SUCLA2: variants seen among roughly 807,000 people sequenced by gnomAD.
SUCLA2 encodes the protein succinate-CoA ligase ADP-forming subunit beta, also known as succinate--CoA ligase [ADP-forming] subunit beta, mitochondrial.
A neutral mutation model predicts 54.8 loss-of-function variants in SUCLA2; 30 were observed. The observed-to-expected ratio is 0.55, with a 90% CI of 0.41 to 0.74. The LOEUF (loss-of-function observed/expected upper bound fraction) is 0.74. Among genes scored for constraint, SUCLA2 ranks in the 30% least tolerant of loss-of-function variants. The probability of loss-of-function intolerance (pLI) is 0.00; values close to 1 mark genes in which losing one functional copy is unlikely to be tolerated. For synonymous variants in SUCLA2, 172 were observed against 188.9 expected, an observed-to-expected ratio of 0.91 and a Z score of 0.74; for missense variants, 476 against 562.9, an observed-to-expected ratio of 0.85 and a Z score of 1.56.
chr13:47,943,251 T>G lies in SUCLA2; in HGVS notation c.*120A>C. On this transcript the variant is annotated 3_prime_UTR_variant, in exon 11 of 11. Coordinates refer to ENST00000646932, the MANE Select transcript of SUCLA2 (RefSeq NM_003850.3). ...GTCCAAATCCTTTTAAATGTTTGTG[T>G]GCCTAGATGGCAATTACAATCTCCA... is the stretch of plus-strand genomic sequence containing the variant. The G allele has an allele frequency of 1.0e-6, 1 of 967,844 alleles. No homozygotes were observed. Among genetic ancestry groups the G allele is most frequent in the Non-Finnish European group, 1.7e-6 (1 of 595,402 alleles). The allele number at this position is 967,844 out of a possible 1,614,324, so 60.0% of individuals were successfully genotyped here. A position where few individuals can be genotyped will look rare whatever the true frequency, so the allele number is the denominator to read the frequency against.
chr13:47,975,594 TAA>T (rs1192554592), intron 4 of SUCLA2, among the ~76,000 whole-genome samples: 1 of 19,088 alleles, frequency 5.2e-5, no homozygotes, highest in African/African-American at 2.4e-4. Context: ...TAACAAAAAT[TAA>T]AAAGAAGAAT....
chr13:47,982,712 T>TAA (rs11389506), intron 4 of SUCLA2, among the ~76,000 whole-genome samples: 49 of 148,270 alleles, frequency 3.3e-4, no homozygotes, highest in East Asian at 2.6e-3. Context: ...TTTGACAATC[T>TAA]AAAAAAAAAA....
intron 10 of SUCLA2, among the ~76,000 whole-genome samples, chr13:47,943,994 T>C (rs899111572): frequency 6.6e-6 from 1 of 152,070 alleles, no homozygotes; most frequent in East Asian, 1.9e-4. Context: ...CTCTACAATC[T>C]GTCTAAAAAT....
At chr13:47,966,675 T>C (rs2137712843) in intron 6 of SUCLA2, among the ~76,000 whole-genome samples, 1 of 151,718 alleles carries the variant, frequency 6.6e-6, no homozygotes, top group African/African-American at 2.4e-5. Context: ...CCATTATTAT[T>C]TCTTCATTAA....
At chr13:47,965,494 T>TTAAAAAAAAAAAAAAAAAA in intron 6 of SUCLA2, 1 of 310,488 alleles carries the variant, frequency 3.2e-6, no homozygotes. Context: ...ACCCCTTCTT[T>TTAAAAAAAAAAAAAAAAAA]AAAAAAAAAA....
At chr13:47,982,529 G>A (rs960512769) in intron 4 of SUCLA2, among the ~76,000 whole-genome samples, 2 of 152,090 alleles carry the variant, frequency 1.3e-5, no homozygotes, top group African/African-American at 2.4e-5. Flanking sequence ...ATCTGTTCTG[G>A]AGATGTTGCA....
At chr13:47,948,581 T>A (rs1197345123) in intron 10 of SUCLA2, among the ~76,000 whole-genome samples, 2 of 152,154 alleles carry the variant, frequency 1.3e-5, no homozygotes, top group Admixed American at 1.3e-4. Context: ...CTTAAGTCAG[T>A]TTAGCCAGGA....
At chr13:47,949,391 T>C in intron 9 of SUCLA2, 92 bp downstream of exon 9, 1 of 1,410,182 alleles carries the variant, frequency 7.1e-7, no homozygotes, top group Non-Finnish European at 1.0e-6. Flanking sequence ...AAGACACAGC[T>C]ATTTAAAAAC....
Position 47,954,567 on chromosome 13 carries a change from G to A in SUCLA2, c.803-10C>T, listed in dbSNP as rs756335033. The A allele has an allele frequency of 1.2e-5, 19 of 1,611,504 alleles. No homozygotes were observed. The highest frequency in any genetic ancestry group is 1.6e-5 in the Non-Finnish European group (19 of 1,178,516). On this transcript the variant is annotated splice_polypyrimidine_tract_variant and intron_variant, in intron 6 of 10. Coordinates refer to ENST00000646932, the MANE Select transcript of SUCLA2 (RefSeq NM_003850.3). ...GCATCCATACACAATACTTTGAAGGGAAAAAGAGAAAAATGACCTTAATTT... is the reference window on the plus strand; with the variant it reads ...GCATCCATACACAATACTTTGAAGGAAAAAAGAGAAAAATGACCTTAATTT...
At chr13:47,972,605 G>T (rs895423692) in intron 5 of SUCLA2, among the ~76,000 whole-genome samples, 20 of 150,216 alleles carry the variant, frequency 1.3e-4, no homozygotes, top group African/African-American at 4.4e-4. Context: ...GGAGGCGGAG[G>T]TTGTGATGAG....
At chr13:48,000,902 C>T in intron 1 of SUCLA2, 8 of 1,339,686 alleles carry the variant, frequency 6.0e-6, no homozygotes, top group Non-Finnish European at 7.7e-6. Context: ...CCACTCAGAG[C>T]CCACCTGCTC....
chr13:47,981,778 A>T (rs1468112541), intron 4 of SUCLA2, among the ~76,000 whole-genome samples: 1 of 152,218 alleles, frequency 6.6e-6, no homozygotes, highest in Non-Finnish European at 1.5e-5. Flanking sequence ...GCACCACTGC[A>T]CTCCAGCCTG....
intron 6 of SUCLA2, among the ~76,000 whole-genome samples, chr13:47,961,956 C>T (rs1159556316): frequency 1.2e-4 from 18 of 152,120 alleles, no homozygotes; most frequent in Admixed American, 1.2e-3. Context: ...AAAAACTTTG[C>T]AGTTTGTGCC....
At chr13:47,974,527 C>A (rs1286692860) in intron 4 of SUCLA2, among the ~76,000 whole-genome samples, 1 of 152,024 alleles carries the variant, frequency 6.6e-6, no homozygotes, top group Non-Finnish European at 1.5e-5. Flanking sequence ...ATCAAGGCTG[C>A]AGTCAGCTGT....
At chr13:47,962,314 T>G (rs1949877040) in intron 6 of SUCLA2, among the ~76,000 whole-genome samples, 1 of 152,228 alleles carries the variant, frequency 6.6e-6, no homozygotes, top group African/African-American at 2.4e-5. Flanking sequence ...TCATGGAAAA[T>G]GTGTTTATTT....
intron 6 of SUCLA2, among the ~76,000 whole-genome samples, chr13:47,965,306 T>G (rs1949908159): frequency 6.6e-6 from 1 of 151,654 alleles, no homozygotes; most frequent in South Asian, 2.1e-4. Context: ...CTAATGACTC[T>G]ATAATGAAAA....
chr13:47,978,134 A>C (rs1347677272), intron 4 of SUCLA2, among the ~76,000 whole-genome samples: 2 of 152,178 alleles, frequency 1.3e-5, no homozygotes, highest in African/African-American at 4.8e-5. Flanking sequence ...CAAGCTACCA[A>C]TGACTTTCTT....
chr13:47,968,541 A>G, intron 6 of SUCLA2, 54 bp downstream of exon 6: 2 of 1,597,732 alleles, frequency 1.3e-6, no homozygotes, highest in Non-Finnish European at 1.7e-6. Flanking sequence ...TCCTTAGGGA[A>G]GCATATTAGA....
intron 2 of SUCLA2, among the ~76,000 whole-genome samples, chr13:47,992,533 T>C (rs2137748279): frequency 6.6e-6 from 1 of 152,292 alleles, no homozygotes; most frequent in South Asian, 2.1e-4. Flanking sequence ...AACAGGTTCA[T>C]CTACATACCA....
Sources: gnomAD v4.1 joint callset for allele counts (sites outside exome capture counted in the v4.1 genomes callset) on GRCh38, gnomAD v4.1.1 for gene constraint, MANE v1.5 for transcripts, NCBI Gene and HGNC (gene_info 2026-07-23, HGNC 2026-07-21) for gene names.